Variants in CCDC148 observed in about 807,000 individuals in gnomAD.
CCDC148 encodes the protein coiled-coil domain-containing protein 148.
CCDC148 carries 89 observed loss-of-function variants against 85.7 expected under a neutral mutation model. The observed-to-expected ratio is 1.04, with a 90% CI of 0.87 to 1.24. The LOEUF is 1.24. Ranked by LOEUF, CCDC148 falls within the 50% of genes most tolerant of loss-of-function variation. The pLI, the probability that CCDC148 is intolerant of heterozygous loss-of-function variation, is 0.00. For missense variants in CCDC148, 692 were observed against 671.7 expected, an observed-to-expected ratio of 1.03 and a Z score of -0.33; for synonymous variants, 230 against 213.9, an observed-to-expected ratio of 1.08 and a Z score of -0.66.
intron 1 of CCDC148, among the ~76,000 whole-genome samples, chr2:158,447,784 G>A (rs1255457041): frequency 1.3e-5 from 2 of 151,686 alleles, no homozygotes; most frequent in South Asian, 2.1e-4. Context: ...ATATATTCTA[G>A]ATACAAGTAC....
chr2:158,226,934 T>C (rs936177939), intron 10 of CCDC148, among the ~76,000 whole-genome samples: 1 of 152,088 alleles, frequency 6.6e-6, no homozygotes, highest in Admixed American at 6.6e-5. Context: ...CTATTCAACA[T>C]AGTGTTGGAA....
At chr2:158,332,630 C>A (rs1261446374) in intron 7 of CCDC148, among the ~76,000 whole-genome samples, 1 of 151,666 alleles carries the variant, frequency 6.6e-6, no homozygotes, top group Non-Finnish European at 1.5e-5. Flanking sequence ...CTTTGTACCT[C>A]TGGTAGAATT....
intron 10 of CCDC148, among the ~76,000 whole-genome samples, chr2:158,243,301 C>A (rs1688429115): frequency 1.3e-5 from 2 of 152,092 alleles, no homozygotes; most frequent in Admixed American, 6.6e-5. Flanking sequence ...TGGTAGTAGG[C>A]ACTTGCATTT....
chr2:158,389,868 G>A (rs958256630), intron 1 of CCDC148, among the ~76,000 whole-genome samples: 10 of 152,144 alleles, frequency 6.6e-5, no homozygotes, highest in African/African-American at 2.4e-4. Context: ...ATCTGACTCA[G>A]GACAGGCTTT....
chr2:158,234,161 G>A (rs1426061161), intron 10 of CCDC148, among the ~76,000 whole-genome samples: 1 of 151,794 alleles, frequency 6.6e-6, no homozygotes, highest in African/African-American at 2.4e-5. Context: ...GGGCAACAGA[G>A]CGAGACTCCA....
intron 9 of CCDC148, among the ~76,000 whole-genome samples, chr2:158,293,919 G>C: frequency 6.9e-6 from 1 of 144,474 alleles, no homozygotes. Context: ...AAACCAATGA[G>C]GGGCATGGAT....
At chr2:158,189,834 G>C (rs1399296979) in intron 11 of CCDC148, among the ~76,000 whole-genome samples, 2 of 151,876 alleles carry the variant, frequency 1.3e-5, no homozygotes, top group Admixed American at 1.3e-4. Flanking sequence ...TAGTGGCTAT[G>C]ACTTAATCTC....
chr2:158,177,552 G>T lies in CCDC148; in HGVS notation c.1489-891C>A, dbSNP rs568515321. On this transcript the variant is annotated intron_variant, in intron 12 of 13. Coordinates refer to ENST00000283233, the MANE Select transcript of CCDC148 (RefSeq NM_138803.4). Reference sequence around the variant, plus strand: ...CTTTCAAAGCATTCACAGATGGAAAGAATTCTAATCATATAGACTGTAGTT... The same window carrying T: ...CTTTCAAAGCATTCACAGATGGAAATAATTCTAATCATATAGACTGTAGTT... Among the ~76,000 whole-genome samples the T allele has an allele frequency of 9.9e-5, 15 of 152,214 alleles. 1 individual carries two copies. The South Asian group carries it at 2.9e-3, about 29-fold the overall frequency.
At chr2:158,422,646 T>C (rs1297437460) in intron 1 of CCDC148, among the ~76,000 whole-genome samples, 1 of 152,110 alleles carries the variant, frequency 6.6e-6, no homozygotes, top group Non-Finnish European at 1.5e-5. Flanking sequence ...AGGCAAAAAC[T>C]GGAAGCATTC....
chr2:158,210,258 C>T (rs953973791), intron 11 of CCDC148, among the ~76,000 whole-genome samples: 12 of 152,042 alleles, frequency 7.9e-5, no homozygotes, highest in Admixed American at 3.9e-4. Context: ...ACAAGAAGAG[C>T]GAGCTATCCT....
At chr2:158,452,351 G>C (rs186536872) in intron 1 of CCDC148, among the ~76,000 whole-genome samples, 1 of 152,252 alleles carries the variant, frequency 6.6e-6, no homozygotes, top group Admixed American at 6.5e-5. Context: ...ATGCATAAGC[G>C]TCCTCAAGAG....
At chr2:158,316,277 T>A (rs866268957) in intron 7 of CCDC148, among the ~76,000 whole-genome samples, 23 of 152,258 alleles carry the variant, frequency 1.5e-4, no homozygotes, top group African/African-American at 5.3e-4. Context: ...CATTAAGCAG[T>A]GTACATTGCT....
At chr2:158,411,896 C>T (rs551362577) in intron 1 of CCDC148, among the ~76,000 whole-genome samples, 1 of 152,042 alleles carries the variant, frequency 6.6e-6, no homozygotes, top group Admixed American at 6.6e-5. Context: ...TGCAGCAGTG[C>T]TGGGTGCATG....
chr2:158,175,357 A>G (rs1231778789), intron 13 of CCDC148, among the ~76,000 whole-genome samples: 1 of 151,428 alleles, frequency 6.6e-6, no homozygotes, highest in African/African-American at 2.4e-5. Context: ...ATTATCGTAA[A>G]TCATCTGGAG....
At chr2:158,220,447 G>A (rs1687113104) in intron 11 of CCDC148, 148 bp downstream of exon 11, 1 of 599,696 alleles carries the variant, frequency 1.7e-6, no homozygotes, top group East Asian at 3.1e-5. Flanking sequence ...ATGCATCATA[G>A]ATATCATTGT....
At chr2:158,400,284 C>T (rs1685719327) in intron 1 of CCDC148, among the ~76,000 whole-genome samples, 1 of 152,152 alleles carries the variant, frequency 6.6e-6, no homozygotes, top group Non-Finnish European at 1.5e-5. Context: ...AAGCTGGAGG[C>T]ATCATGCTAC....
intron 7 of CCDC148, among the ~76,000 whole-genome samples, chr2:158,329,698 T>G (rs1008595188): frequency 6.6e-6 from 1 of 152,122 alleles, no homozygotes; most frequent in African/African-American, 2.4e-5. Flanking sequence ...AGCAGTGGTT[T>G]GTAGTTCTCC....
chr2:158,354,295 T>A (rs1683499005), intron 2 of CCDC148, among the ~76,000 whole-genome samples: 1 of 151,984 alleles, frequency 6.6e-6, no homozygotes, highest in Admixed American at 6.6e-5. Flanking sequence ...AGGAGCTGGT[T>A]TTTTGAAAGG....
intron 11 of CCDC148, among the ~76,000 whole-genome samples, chr2:158,180,910 T>C (rs576354206): frequency 6.6e-6 from 1 of 152,172 alleles, no homozygotes; most frequent in Admixed American, 6.5e-5. Context: ...GGAGTCAATA[T>C]AGTCAAGACA....
Sources: allele counts gnomAD v4.1 joint callset (sites outside exome capture counted in the v4.1 genomes callset), GRCh38; gene constraint gnomAD v4.1.1; transcripts MANE v1.5; gene names NCBI Gene and HGNC (gene_info 2026-07-23, HGNC 2026-07-21).